The following RIMS2 variants were observed in gnomAD, a reference collection of about 807,000 sequenced individuals.
RIMS2 encodes the protein regulating synaptic membrane exocytosis 2.
RIMS2 carries 59 observed loss-of-function variants against 174.4 expected under a neutral mutation model. That is an observed-to-expected ratio of 0.34 (90% CI 0.27 to 0.42). The LOEUF is 0.42. Ranked by LOEUF, RIMS2 falls within the 10% of genes least tolerant of loss-of-function variation. The probability of loss-of-function intolerance (pLI) is 1.00; values close to 1 mark genes in which losing one functional copy is unlikely to be tolerated. For synonymous variants in RIMS2, 606 were observed against 572.5 expected (o/e 1.06, Z -0.84); for missense variants, 1,620 against 1,666.3 (o/e 0.97, Z 0.48).
In RIMS2 at chr8:103,921,692, C is replaced by T. The variant is rs1327853867; in HGVS notation, c.2104C>T (p.Gln702Ter). The stretch of plus-strand genomic sequence containing the variant: ...TTCAGGTTCTAGCTCCTTTGAATCT[C>T]AAAAAATGGATCGTCCTTCTATTTC... Residue 702 changes from glutamine to a stop codon, truncating the protein, a stop_gained, in exon 10 of 24, where the codon CAA becomes TAA. Coordinates refer to ENST00000504942, the Ensembl canonical transcript of RIMS2. LOFTEE classifies it high-confidence loss of function. 6.6e-7 allele frequency: 1 copy of T among 1,509,412 alleles called. No homozygotes were observed. Among genetic ancestry groups the T allele is most frequent in the Non-Finnish European group, 9.2e-7 (1 of 1,085,238 alleles). 93.5% of individuals were successfully genotyped at this position (1,509,412 alleles called of 1,614,324 possible).
At chr8:104,106,630 A>T (rs550205959) in intron 19 of RIMS2, among the ~76,000 whole-genome samples, 98 of 152,302 alleles carry the variant, frequency 6.4e-4, no homozygotes, top group African/African-American at 2.3e-3. Context: ...TTTAGTATGA[A>T]AGTAGAGAAA....
intron 1 of RIMS2, among the ~76,000 whole-genome samples, chr8:103,669,954 G>A (rs188887690): frequency 1.3e-5 from 2 of 152,298 alleles, no homozygotes; most frequent in East Asian, 1.9e-4. Context: ...ACTCTGTGTG[G>A]GAGCTCCAAC....
intron 1 of RIMS2, among the ~76,000 whole-genome samples, chr8:103,684,539 T>A (rs1048600841): frequency 7.4e-6 from 1 of 134,414 alleles, no homozygotes; most frequent in Non-Finnish European, 1.6e-5. Context: ...GTTCATACTT[T>A]TTTTATTTTA....
intron 2 of RIMS2, among the ~76,000 whole-genome samples, chr8:103,746,529 T>C (rs1444836313): frequency 6.6e-6 from 1 of 152,128 alleles, no homozygotes; most frequent in Non-Finnish European, 1.5e-5. Flanking sequence ...GGGGGTTCAT[T>C]GTGCAGATTA....
intron 9 of RIMS2, among the ~76,000 whole-genome samples, chr8:103,919,270 A>G (rs1262496256): frequency 6.6e-6 from 1 of 152,200 alleles, no homozygotes; most frequent in African/African-American, 2.4e-5. Flanking sequence ...CTTTCCAGGT[A>G]CAGGATAGGT....
At chr8:103,626,760 G>A (rs1056824862) in intron 1 of RIMS2, among the ~76,000 whole-genome samples, 5 of 152,074 alleles carry the variant, frequency 3.3e-5, no homozygotes, top group African/African-American at 1.2e-4. Flanking sequence ...ATCACATATT[G>A]GTAGGACCAT....
intron 19 of RIMS2, among the ~76,000 whole-genome samples, chr8:104,061,303 T>G (rs921758780): frequency 2.0e-5 from 3 of 152,186 alleles, no homozygotes; most frequent in Non-Finnish European, 4.4e-5. Context: ...TCTTGTTGAA[T>G]TGATCCCTTT....
At chr8:103,696,681 T>C (rs1373210428) in intron 1 of RIMS2, among the ~76,000 whole-genome samples, 2 of 151,754 alleles carry the variant, frequency 1.3e-5, no homozygotes, top group Non-Finnish European at 1.5e-5. Context: ...GGCCTGGCCA[T>C]GGCGAAACTG....
At chr8:104,230,234 A>G (rs2441795) in intron 19 of RIMS2, among the ~76,000 whole-genome samples, 90,048 of 148,426 alleles carry the variant, frequency 0.61, 27,348 homozygotes, top group East Asian at 0.67. Flanking sequence ...AGCTGAGATC[A>G]CTCCATTGCA....
chr8:103,630,580 CAAAAAAA>C (rs61194218), intron 1 of RIMS2, among the ~76,000 whole-genome samples: 83 of 86,990 alleles, frequency 9.5e-4, no homozygotes, highest in African/African-American at 2.4e-3. Flanking sequence ...AACTCCATCT[CAAAAAAA>C]AAAAAAAAAA....
rs145214462 is a variant in RIMS2 at position 103,589,876 on chromosome 8, A to G, written c.176+88814A>G. On this transcript the variant is annotated intron_variant, in intron 1 of 23. Coordinates refer to ENST00000504942, the Ensembl canonical transcript of RIMS2. ...TTCTCACTTATTTGTGGGATCTAAA[A>G]ATCAAAGCAATGGAACTCATGGACA... Among the ~76,000 whole-genome samples, 68 of 151,634 alleles carry G rather than the reference A, an allele frequency of 4.5e-4. No individual in the cohort carries two copies. In the East Asian group the frequency reaches 0.013, roughly 29 times the overall value.
chr8:103,672,657 C>T (rs549377982), intron 1 of RIMS2, among the ~76,000 whole-genome samples: 5 of 152,064 alleles, frequency 3.3e-5, no homozygotes, highest in African/African-American at 1.2e-4. Context: ...GGGATCTAGC[C>T]CCATGACCCA....
chr8:104,157,585 C>T (rs2098732376), intron 19 of RIMS2, among the ~76,000 whole-genome samples: 1 of 152,124 alleles, frequency 6.6e-6, no homozygotes, highest in African/African-American at 2.4e-5. Context: ...TAGTAACCAC[C>T]ATTTTACTTT....
At chr8:103,554,214 T>A (rs1849388775) in intron 1 of RIMS2, among the ~76,000 whole-genome samples, 1 of 152,084 alleles carries the variant, frequency 6.6e-6, no homozygotes, top group African/African-American at 2.4e-5. Flanking sequence ...CTAAAGTACT[T>A]CTGCATAGCA....
chr8:104,064,585 A>C lies in RIMS2; in HGVS notation c.3334+49970A>C, dbSNP rs552535770. On this transcript the variant is annotated intron_variant, in intron 19 of 23. Coordinates refer to ENST00000504942, the Ensembl canonical transcript of RIMS2. ...TATTTGTATATATACATATCAAAAA[A>C]CAGAGGGCCATTTCCACCATAATTT... Among the ~76,000 whole-genome samples the C allele has an allele frequency of 2.0e-5, 3 of 152,218 alleles. No homozygotes were observed. The South Asian group carries it at 6.2e-4, about 32-fold the overall frequency.
intron 3 of RIMS2, among the ~76,000 whole-genome samples, chr8:103,868,129 A>T (rs1380339263): frequency 6.6e-6 from 1 of 152,080 alleles, no homozygotes; most frequent in African/African-American, 2.4e-5. Context: ...AGAGATTGTA[A>T]CAGCTAAGTA....
At chr8:103,525,216 TGGTAGAAAAA>T (rs2130672819) in intron 1 of RIMS2, among the ~76,000 whole-genome samples, 1 of 152,180 alleles carries the variant, frequency 6.6e-6, no homozygotes, top group East Asian at 1.9e-4. Context: ...TTACAGGGGC[TGGTAGAAAAA>T]CTTTGAAAGT....
intron 19 of RIMS2, among the ~76,000 whole-genome samples, chr8:104,173,988 C>A (rs2098849507): frequency 6.7e-6 from 1 of 150,170 alleles, no homozygotes; most frequent in Non-Finnish European, 1.5e-5. Context: ...CTCTCGTCAC[C>A]CAGGCTGGAG....
At chr8:103,717,484 G>A (rs2097386458) in intron 2 of RIMS2, among the ~76,000 whole-genome samples, 1 of 152,186 alleles carries the variant, frequency 6.6e-6, no homozygotes, top group East Asian at 1.9e-4. Context: ...CTCACAAGTA[G>A]CATAATTCAG....
Sources: gnomAD v4.1 joint callset for allele counts (sites outside exome capture counted in the v4.1 genomes callset) on GRCh38, gnomAD v4.1.1 for gene constraint, MANE v1.5 for transcripts, NCBI Gene and HGNC (gene_info 2026-07-23, HGNC 2026-07-21) for gene names.